Variants in EDA observed in about 807,000 individuals in gnomAD.
EDA encodes the protein ectodysplasin A, also known as ectodysplasin-A.
Under a neutral mutation model 23.6 loss-of-function variants are expected in EDA, and 2 were observed. The observed-to-expected ratio is 0.08, with a 90% CI of 0.03 to 0.27. The LOEUF is 0.27. Ranked by LOEUF, EDA falls within the 10% of genes least tolerant of loss-of-function variation. The pLI is 1.00. For synonymous variants in EDA, 131 were observed against 132.0 expected, an observed-to-expected ratio of 0.99 and a Z score of 0.05; for missense variants, 229 against 324.2, an observed-to-expected ratio of 0.71 and a Z score of 2.26.
At chrX:69,994,837 G>T (rs1325698442) in intron 2 of EDA, among the ~76,000 whole-genome samples, 1 of 112,146 alleles carries the variant, frequency 8.9e-6, no homozygotes, top group Non-Finnish European at 1.9e-5. Context: ...GCAAAGCCTA[G>T]TAAATTAAAC....
At chrX:70,015,443 CAT>C in intron 2 of EDA, among the ~76,000 whole-genome samples, 1 of 111,105 alleles carries the variant, frequency 9.0e-6, no homozygotes, top group African/African-American at 3.3e-5. Context: ...CATGGTGGTG[CAT>C]GCCTGTAATC....
intron 2 of EDA, among the ~76,000 whole-genome samples, chrX:70,022,334 TTTTA>T (rs765513268): frequency 1.5e-4 from 17 of 109,886 alleles, no homozygotes; most frequent in African/African-American, 5.3e-4. Flanking sequence ...TTTTATTTTA[TTTTA>T]TTTATTTATT....
intron 1 of EDA, among the ~76,000 whole-genome samples, chrX:69,711,980 G>A (rs1409881895): frequency 1.8e-5 from 2 of 110,689 alleles, no homozygotes; most frequent in East Asian, 2.9e-4. Flanking sequence ...AGGGTTTTTT[G>A]TGTCTCTATT....
intron 1 of EDA, among the ~76,000 whole-genome samples, chrX:69,748,043 G>A (rs1394913943): frequency 1.8e-5 from 2 of 111,592 alleles, no homozygotes; most frequent in Non-Finnish European, 3.8e-5. Flanking sequence ...CATACTCCTG[G>A]AGGAAAGAAG....
chrX:69,778,984 T>C (rs1313487227), intron 1 of EDA, among the ~76,000 whole-genome samples: 2 of 111,590 alleles, frequency 1.8e-5, no homozygotes, highest in African/African-American at 6.5e-5. Flanking sequence ...ACACAGTACA[T>C]AAATGAGTAT....
intron 1 of EDA, among the ~76,000 whole-genome samples, chrX:69,808,219 A>G (rs891513980): frequency 1.8e-5 from 2 of 110,844 alleles, no homozygotes; most frequent in Admixed American, 9.6e-5. Context: ...TGTTTATTGT[A>G]TGTATATTAT....
intron 1 of EDA, among the ~76,000 whole-genome samples, chrX:69,742,664 T>G (rs2013494528): frequency 9.0e-6 from 1 of 111,601 alleles, no homozygotes; most frequent in Admixed American, 9.5e-5. Context: ...CTGACGGTTC[T>G]TTTCCTCAAC....
rs1476775494 is a variant in EDA, at chrX:69,617,111, C to T, written c.396+407C>T. On this transcript the variant is annotated intron_variant, in intron 1 of 7. Transcript: ENST00000374552. The stretch of plus-strand genomic sequence containing the variant: ...AGCTGATGCCAGAACCAGCAGGCTC[C>T]CCTTTGGAGTTGGAGCTGTAAACAG... 2.1e-5 allele frequency: 6 copies of T among 289,591 alleles called. No individual in the cohort carries two copies. The East Asian group carries it at 3.6e-4, about 18-fold the overall frequency. The allele number at this position is 289,591 out of a possible 1,213,427, so 23.9% of individuals were successfully genotyped here.
intron 1 of EDA, among the ~76,000 whole-genome samples, chrX:69,884,020 C>T (rs1326258825): frequency 9.0e-6 from 1 of 110,759 alleles, no homozygotes; most frequent in Non-Finnish European, 1.9e-5. Context: ...GCTATGATTG[C>T]ACCACTGCAT....
chrX:69,974,418 T>C (rs2019289467), intron 2 of EDA, among the ~76,000 whole-genome samples: 1 of 111,011 alleles, frequency 9.0e-6, no homozygotes, highest in Admixed American at 9.6e-5. Flanking sequence ...TAACTCAAGA[T>C]TGATTAAAGA....
At chrX:69,813,261 T>C (rs373252772) in intron 1 of EDA, among the ~76,000 whole-genome samples, 4 of 111,996 alleles carry the variant, frequency 3.6e-5, no homozygotes, top group African/African-American at 9.7e-5. Flanking sequence ...GACACAGTTA[T>C]ACTGCATTTC....
At chrX:70,013,725 G>C (rs1029797582) in intron 2 of EDA, among the ~76,000 whole-genome samples, 7 of 110,565 alleles carry the variant, frequency 6.3e-5, no homozygotes, top group African/African-American at 2.3e-4. Context: ...TTTCTCTGGG[G>C]TGGAGCTCCC....
At chrX:69,803,399 C>T (rs2804352) in intron 1 of EDA, among the ~76,000 whole-genome samples, 8,493 of 109,444 alleles carry the variant, frequency 0.078, 291 homozygotes, top group Middle Eastern at 0.2. Context: ...AAACTTAGGC[C>T]CTCTGATTAA....
intron 1 of EDA, among the ~76,000 whole-genome samples, chrX:69,623,337 T>C (rs1325025331): frequency 1.8e-5 from 2 of 112,101 alleles, no homozygotes; most frequent in East Asian, 5.6e-4. Flanking sequence ...GAGTGCCTTC[T>C]TCTTGATCCA....
rs2018728244 is a variant in EDA, at chrX:69,939,681, C to T, written c.397-17346C>T. On this transcript the variant is annotated intron_variant, in intron 1 of 7. Transcript: ENST00000374552. ...CTTATTCCAGATCTTGGAGAAAAGGCTTCCAGTTTTTCCCTATTGCGTATG... is the reference window on the plus strand; with the variant it reads ...CTTATTCCAGATCTTGGAGAAAAGGTTTCCAGTTTTTCCCTATTGCGTATG... Among the ~76,000 whole-genome samples the T allele has an allele frequency of 3.6e-5, 4 of 111,256 alleles. No individual in the cohort carries two copies. In the Admixed American group the frequency reaches 3.8e-4, roughly 11 times the overall value.
At chrX:69,993,046 C>G (rs2019610499) in intron 2 of EDA, among the ~76,000 whole-genome samples, 1 of 110,336 alleles carries the variant, frequency 9.1e-6, no homozygotes, top group African/African-American at 3.3e-5. Flanking sequence ...GCTCCAACAC[C>G]ATTCATTGAA....
At chrX:69,624,881 T>A (rs1801363140) in intron 1 of EDA, among the ~76,000 whole-genome samples, 1 of 110,279 alleles carries the variant, frequency 9.1e-6, no homozygotes, top group African/African-American at 3.3e-5. Context: ...TCAGTTTTCT[T>A]TTTATCCTGC....
intron 1 of EDA, chrX:69,749,856 C>T (rs903472737): frequency 4.7e-5 from 5 of 106,031 alleles, no homozygotes; most frequent in South Asian, 4.3e-4. Context: ...ACTGTTTTTC[C>T]GAAGTTCATT....
At chrX:69,668,091 C>T (rs1212715977) in intron 1 of EDA, among the ~76,000 whole-genome samples, 1 of 112,186 alleles carries the variant, frequency 8.9e-6, no homozygotes, top group African/African-American at 3.2e-5. Context: ...CAGGATCCTT[C>T]TTCATTTTTA....
Sources: allele counts gnomAD v4.1 joint callset (sites outside exome capture counted in the v4.1 genomes callset), GRCh38; gene constraint gnomAD v4.1.1; transcripts MANE v1.5; gene names NCBI Gene and HGNC (gene_info 2026-07-23, HGNC 2026-07-21).